The following GIT2 variants were observed in gnomAD, a reference collection of about 807,000 sequenced individuals.
The protein encoded by GIT2 is GIT ArfGAP 2.
Under a neutral mutation model 100.3 loss-of-function variants are expected in GIT2, and 32 were observed. That is an observed-to-expected ratio of 0.32 (90% confidence interval 0.24 to 0.43). The LOEUF is 0.43. Ranked by LOEUF, GIT2 falls within the 20% of genes least tolerant of loss-of-function variation. The pLI, the probability that GIT2 is intolerant of heterozygous loss-of-function variation, is 1.00. For synonymous variants in GIT2, 353 were observed against 364.1 expected (o/e 0.97, Z 0.35); for missense variants, 737 against 975.1 (o/e 0.76, Z 3.25).
chr12:109,934,660 G>T lies in GIT2; in HGVS notation c.2004-575C>A, dbSNP rs1014870622. On this transcript the variant is annotated intron_variant, in intron 18 of 19. Transcript: ENST00000355312. The surrounding 1 kb of genome is among the most constrained non-coding windows in gnomAD (Gnocchi z 4.5). ...CCTCCAAAGTGCTGGGGTTACAGGTGTGAGCCACGGTGTCCAGCCCTTTCC... is the reference window on the plus strand; with the variant it reads ...CCTCCAAAGTGCTGGGGTTACAGGTTTGAGCCACGGTGTCCAGCCCTTTCC... 6.6e-6 allele frequency among the ~76,000 whole-genome samples: 1 copy of T among 152,200 alleles called. No homozygotes were observed. The highest frequency in any genetic ancestry group is 1.5e-5 in the Non-Finnish European group (1 of 68,044).
At chr12:109,946,205 G>A (rs1045448672) in intron 15 of GIT2, among the ~76,000 whole-genome samples, 2 of 152,058 alleles carry the variant, frequency 1.3e-5, no homozygotes, top group African/African-American at 4.8e-5. Context: ...AATTGCCTTA[G>A]AATGTTAAAC....
At chr12:109,981,984 T>A (rs1485880178) in intron 6 of GIT2, 2 of 152,218 alleles carry the variant, frequency 1.3e-5, no homozygotes, top group African/African-American at 4.8e-5. Context: ...CATCTTATTT[T>A]CATTTTTTAG....
At chr12:109,952,473 C>A in intron 13 of GIT2, 1 of 518,792 alleles carries the variant, frequency 1.9e-6, no homozygotes, top group Admixed American at 1.9e-5. Context: ...GGGCTCTGCA[C>A]TGCCTGTGAG....
At chr12:109,973,701 T>G (rs528175271) in intron 7 of GIT2, among the ~76,000 whole-genome samples, 27 of 152,144 alleles carry the variant, frequency 1.8e-4, no homozygotes, top group African/African-American at 6.5e-4. Flanking sequence ...GGTTCAGGTT[T>G]ATTTTGCTCT....
intron 1 of GIT2, chr12:109,992,056 G>A (rs991388590): frequency 7.8e-6 from 2 of 256,348 alleles, no homozygotes; most frequent in South Asian, 2.6e-4. Context: ...TCAGATGCAT[G>A]CTTTTTCATT....
chr12:109,997,085 C>A (rs529294322), upstream of GIT2, among the ~76,000 whole-genome samples: 1 of 151,498 alleles, frequency 6.6e-6, no homozygotes, highest in South Asian at 2.1e-4. Flanking sequence ...TGGCAGGAGC[C>A]TGTAATCTCA....
At chr12:109,970,418 G>A (rs1593076318) in intron 7 of GIT2, among the ~76,000 whole-genome samples, 2 of 152,112 alleles carry the variant, frequency 1.3e-5, no homozygotes, top group Non-Finnish European at 2.9e-5. Flanking sequence ...ACTTGAACCC[G>A]GGAGGCCGAG....
In GIT2 at chr12:109,943,181, A is replaced by G. The variant is rs1181800873; in HGVS notation, c.1731+2079T>C. On this transcript the variant is annotated intron_variant, in intron 16 of 19. Coordinates refer to ENST00000355312, the MANE Select transcript of GIT2 (RefSeq NM_057169.5). The stretch of plus-strand genomic sequence containing the variant: ...CCTTGCAATGATTTTTAAGGCTACC[A>G]TACAAATTAAAAAACAAAAATTTCA... Among the ~76,000 whole-genome samples the G allele has an allele frequency of 1.3e-5, 2 of 152,230 alleles. 1 individual carries two copies. The highest frequency in any genetic ancestry group is 4.1e-4 in the South Asian group (2 of 4,832).
chr12:109,951,336 A>T lies in GIT2; in HGVS notation c.1243-20T>A, dbSNP rs1392369024. 10 of 1,587,688 alleles carry T rather than the reference A, an allele frequency of 6.3e-6. No homozygotes were observed. Among genetic ancestry groups the T allele is most frequent in the Non-Finnish European group, 7.8e-6 (9 of 1,157,254 alleles). ...TAGGCTCTAAAAATAAATTGGGAAA[A>T]CGTTCACAATCTGAGATGACGAGAA... On this transcript the variant is annotated intron_variant, in intron 13 of 19. Transcript: ENST00000355312.
rs192183740 is a variant in GIT2, at chr12:109,957,741, C to T, written c.1099+2106G>A. 6.2e-4 allele frequency among the ~76,000 whole-genome samples: 94 copies of T among 152,138 alleles called. 2 individuals carry two copies. In the South Asian group the frequency reaches 0.018, roughly 29 times the overall value. The stretch of plus-strand genomic sequence containing the variant: ...CAGGATGGTCTCGATCTCCTGAACT[C>T]GTGATCCGCCTGCCTTGGCCTCCCA... On this transcript the variant is annotated intron_variant, in intron 12 of 19. Transcript: ENST00000355312.
Position 109,961,379 on chromosome 12 carries a change from G to A in GIT2, c.890-4C>T. On this transcript the variant is annotated splice_region_variant and splice_polypyrimidine_tract_variant and intron_variant, in intron 10 of 19. Transcript: ENST00000355312. ...TGGTTTTGCGTGGCAAGCCAGACTAGTCAGAGGAAAGAGCCAGAGACAAAC... is the reference window on the plus strand; with the variant it reads ...TGGTTTTGCGTGGCAAGCCAGACTAATCAGAGGAAAGAGCCAGAGACAAAC... The A allele has an allele frequency of 6.3e-7, 1 of 1,589,770 alleles. No homozygotes were observed. The highest frequency in any genetic ancestry group is 1.3e-5 in the African/African-American group (1 of 74,602).
At position 109,961,343 on chromosome 12, in the gene GIT2, C is replaced by G. The variant is rs979308007; in HGVS notation, c.922G>C (p.Val308Leu). The change falls in exon 11 of 20, where the codon GTA becomes CTA. Residue 308 changes from valine (V) to leucine (L), a missense_variant. Physicochemically the swap from Val to Leu is conservative, Grantham distance 32 (BLOSUM62 1). Around this residue, in one of 3 missense-constraint regions of GIT2, gnomAD observed 20 missense variants for 55.2 expected, o/e 0.36. Coordinates refer to ENST00000355312, the MANE Select transcript of GIT2 (RefSeq NM_057169.5). The stretch of plus-strand genomic sequence containing the variant: ...AAGGGGACGACCGTTGTCTCGGTTA[C>G]CAGGGCGCTGTGGTTTTGCGTGGCA... The part of the protein sequence containing the change: ...WLATQNHSAL[V>L]TETTVVPFLP... 3 of 1,613,344 alleles carry G rather than the reference C, an allele frequency of 1.9e-6. No homozygotes were observed. Among genetic ancestry groups the G allele is most frequent in the Non-Finnish European group, 2.5e-6 (3 of 1,179,430 alleles).
At chr12:109,958,900 C>A (rs1880296312) in intron 12 of GIT2, among the ~76,000 whole-genome samples, 1 of 152,128 alleles carries the variant, frequency 6.6e-6, no homozygotes, top group Non-Finnish European at 1.5e-5. Context: ...CTCAACAGGG[C>A]ACTGGTGAAA....
rs200126475 is a variant in GIT2, at chr12:109,944,825, T to TA, written c.1731+434dup. Among the ~76,000 whole-genome samples, 1,334 of 134,192 alleles carry TA rather than the reference T, an allele frequency of 9.9e-3. 3 individuals carry two copies. Among genetic ancestry groups the TA allele is most frequent in the Admixed American group, 0.014 (190 of 13,442 alleles). The allele number at this position is 134,192 out of a possible 152,430, so 88.0% of individuals were successfully genotyped here. ...TGCTGACATAAAATGTGTCACAGGT[T>TA]AAAAAAAAAAAAAAAGGCATGACAT... On this transcript the variant is annotated intron_variant, in intron 16 of 19. Coordinates refer to ENST00000355312, the MANE Select transcript of GIT2 (RefSeq NM_057169.5).
At chr12:109,992,140 CTT>C (rs35643426) in intron 1 of GIT2, 27 of 92,166 alleles carry the variant, frequency 2.9e-4, no homozygotes, top group South Asian at 1.1e-3. Context: ...CAAGATAATA[CTT>C]TTTTTTTTTT....
intron 7 of GIT2, among the ~76,000 whole-genome samples, chr12:109,977,468 G>A (rs1275734399): frequency 2.0e-5 from 3 of 152,112 alleles, no homozygotes; most frequent in South Asian, 2.1e-4. Context: ...TCGAGATCAC[G>A]CCACTGCACT....
chr12:109,999,720 A>G, upstream of GIT2: 2 of 1,530,908 alleles, frequency 1.3e-6, no homozygotes, highest in East Asian at 2.6e-5. This position sits in a 1 kb window ranked among gnomAD's most constrained non-coding sequence, Gnocchi z 4.3. Flanking sequence ...GGCGACCACT[A>G]CCCCCTGCAC....
In GIT2 at chr12:109,967,452, G is replaced by A. The variant is rs765885617; in HGVS notation, c.764+6C>T. 6.3e-7 allele frequency: 1 copy of A among 1,583,090 alleles called. No individual in the cohort carries two copies. The highest frequency in any genetic ancestry group is 1.3e-5 in the African/African-American group (1 of 74,378). On this transcript the variant is annotated splice_donor_region_variant and intron_variant, in intron 8 of 19. Transcript: ENST00000355312. ...ACAAAACTAACTGGTATTTCAATGA[G>A]CTTACCTGTCTGCCATTTGAGGTAT...
intron 15 of GIT2, among the ~76,000 whole-genome samples, chr12:109,945,772 T>C (rs1311701414): frequency 6.6e-6 from 1 of 152,198 alleles, no homozygotes. Flanking sequence ...TTTTCTAAAA[T>C]AAGAAAGTAC....
Sources: allele counts gnomAD v4.1 joint callset (sites outside exome capture counted in the v4.1 genomes callset), GRCh38; gene constraint gnomAD v4.1.1; regional missense constraint gnomAD v4.1.1; non-coding constraint Gnocchi (gnomAD v3.1); transcripts MANE v1.5; gene names NCBI Gene and HGNC (gene_info 2026-07-23, HGNC 2026-07-21).